MARCHF1: variants seen among roughly 807,000 people sequenced by gnomAD.
MARCHF1 encodes the protein membrane associated ring-CH-type finger 1.
A neutral mutation model predicts 54.2 loss-of-function variants in MARCHF1; 40 were observed. That is an observed-to-expected ratio of 0.74 (90% CI 0.57 to 0.96). The LOEUF (loss-of-function observed/expected upper bound fraction) is 0.96. Ranked by LOEUF, MARCHF1 falls within the 40% of genes least tolerant of loss-of-function variation. MARCHF1 has a pLI of 0.00. For missense variants in MARCHF1, 586 were observed against 656.5 expected, an observed-to-expected ratio of 0.89 and a Z score of 1.17; for synonymous variants, 236 against 236.3, an observed-to-expected ratio of 1.00 and a Z score of 0.01.
chr4:164,122,536 T>A (rs923546439), intron 1 of MARCHF1, among the ~76,000 whole-genome samples: 23 of 151,954 alleles, frequency 1.5e-4, no homozygotes, highest in Non-Finnish European at 1.0e-4. Flanking sequence ...TATGTAAACA[T>A]CATACCTGAT....
intron 3 of MARCHF1, among the ~76,000 whole-genome samples, chr4:163,925,537 G>T (rs1271556559): frequency 1.3e-5 from 2 of 151,728 alleles, no homozygotes; most frequent in Non-Finnish European, 3.0e-5. Flanking sequence ...TTAAATCAAG[G>T]AAGACATATT....
At chr4:164,045,716 GA>G (rs56310196) in intron 2 of MARCHF1, among the ~76,000 whole-genome samples, 22,353 of 142,656 alleles carry the variant, frequency 0.16, 2,031 homozygotes, top group Middle Eastern at 0.22. Context: ...CGTTCTAACA[GA>G]AAAAAAAAAA....
intron 1 of MARCHF1, among the ~76,000 whole-genome samples, chr4:164,334,268 T>G (rs148835569): frequency 9.2e-5 from 14 of 152,212 alleles, no homozygotes; most frequent in African/African-American, 3.1e-4. Flanking sequence ...GTTTCATAGA[T>G]AGAGAGAGAA....
intron 1 of MARCHF1, among the ~76,000 whole-genome samples, chr4:164,200,641 G>A (rs1276944807): frequency 6.6e-6 from 1 of 152,084 alleles, no homozygotes; most frequent in East Asian, 1.9e-4. Flanking sequence ...TTCAAATATT[G>A]TATAACTTCT....
chr4:164,101,000 C>G (rs1022930623), intron 2 of MARCHF1, among the ~76,000 whole-genome samples: 4 of 152,222 alleles, frequency 2.6e-5, no homozygotes, highest in South Asian at 4.1e-4. Flanking sequence ...AAAGGGGTGA[C>G]GGACTGCACC....
At chr4:163,727,973 A>G (rs1745714095) in intron 4 of MARCHF1, among the ~76,000 whole-genome samples, 1 of 152,132 alleles carries the variant, frequency 6.6e-6, no homozygotes, top group African/African-American at 2.4e-5. Context: ...AAGCAAGAAA[A>G]GACTATCTTT....
chr4:163,783,411 G>A (rs1747526344), intron 4 of MARCHF1, among the ~76,000 whole-genome samples: 1 of 152,146 alleles, frequency 6.6e-6, no homozygotes, highest in South Asian at 2.1e-4. Context: ...TTGGCTGTAG[G>A]CCGAGTTTAG....
intron 3 of MARCHF1, among the ~76,000 whole-genome samples, chr4:163,913,480 A>G (rs1751240082): frequency 6.6e-6 from 1 of 152,088 alleles, no homozygotes; most frequent in African/African-American, 2.4e-5. Flanking sequence ...CTCTTCCTTT[A>G]TCAAAGACAG....
intron 2 of MARCHF1, among the ~76,000 whole-genome samples, chr4:164,081,591 G>A (rs1755102829): frequency 6.6e-6 from 1 of 152,072 alleles, no homozygotes; most frequent in East Asian, 1.9e-4. Flanking sequence ...TCACCTAGCA[G>A]CATGACACAG....
chr4:164,304,288 C>T (rs181361348), intron 1 of MARCHF1, among the ~76,000 whole-genome samples: 1 of 152,264 alleles, frequency 6.6e-6, no homozygotes, highest in Admixed American at 6.5e-5. Flanking sequence ...AGGCCTCTAG[C>T]AACAGTCTAT....
chr4:163,739,714 A>G (rs1466339733), intron 4 of MARCHF1, among the ~76,000 whole-genome samples: 1 of 152,224 alleles, frequency 6.6e-6, no homozygotes, highest in Admixed American at 6.5e-5. Flanking sequence ...TTTCAGTTAT[A>G]TTTAATCACT....
intron 4 of MARCHF1, among the ~76,000 whole-genome samples, chr4:163,732,353 AAC>A (rs993796670): frequency 6.6e-6 from 1 of 152,080 alleles, no homozygotes; most frequent in African/African-American, 2.4e-5. Context: ...TTTAAAGTGA[AAC>A]ACAGAAAAAA....
intron 2 of MARCHF1, among the ~76,000 whole-genome samples, chr4:164,037,374 A>G (rs1280212685): frequency 2.0e-5 from 3 of 152,224 alleles, no homozygotes; most frequent in East Asian, 1.9e-4. Context: ...TTACAATTAT[A>G]GTTAATGTTA....
chr4:163,649,519 C>T lies in MARCHF1; in HGVS notation c.163-36126G>A, dbSNP rs145884770. Among the ~76,000 whole-genome samples, 482 of 152,064 alleles carry T rather than the reference C, an allele frequency of 3.2e-3. 3 individuals carry two copies. Among genetic ancestry groups the T allele is most frequent in the African/African-American group, 0.011 (437 of 41,512 alleles). ...TAGATTTTAGGATATAAATAGCATC[C>T]GCAATGTAGACTCTAAGCCTTGCTT... On this transcript the variant is annotated intron_variant, in intron 5 of 9. Coordinates refer to ENST00000514618, the MANE Select transcript of MARCHF1 (RefSeq NM_001394959.1).
chr4:164,336,312 C>CA (rs1175273927), intron 1 of MARCHF1, among the ~76,000 whole-genome samples: 1 of 151,582 alleles, frequency 6.6e-6, no homozygotes, highest in Non-Finnish European at 1.5e-5. Context: ...TTGGTTAAGA[C>CA]AAAAAAAGGA....
chr4:164,309,594 A>G (rs1008666768), intron 1 of MARCHF1, among the ~76,000 whole-genome samples: 1 of 152,268 alleles, frequency 6.6e-6, no homozygotes, highest in African/African-American at 2.4e-5. Flanking sequence ...GATGACTTCT[A>G]CCTTCAATTA....
At chr4:163,537,692 C>G (rs1738584404) in intron 9 of MARCHF1, among the ~76,000 whole-genome samples, 1 of 152,066 alleles carries the variant, frequency 6.6e-6, no homozygotes, top group Non-Finnish European at 1.5e-5. Context: ...TCTTGGACAG[C>G]AATTAAAAGA....
chr4:163,860,847 G>A (rs747525656), intron 3 of MARCHF1, among the ~76,000 whole-genome samples: 13 of 152,038 alleles, frequency 8.6e-5, no homozygotes, highest in Admixed American at 5.2e-4. Flanking sequence ...ACTTCTAGCC[G>A]GAATAACACA....
chr4:164,171,917 T>C (rs1730535421), intron 1 of MARCHF1, among the ~76,000 whole-genome samples: 1 of 152,218 alleles, frequency 6.6e-6, no homozygotes, highest in African/African-American at 2.4e-5. Flanking sequence ...ACATTTTGAT[T>C]TGACCAAGTT....
Sources: allele counts gnomAD v4.1 joint callset (sites outside exome capture counted in the v4.1 genomes callset), GRCh38; gene constraint gnomAD v4.1.1; transcripts MANE v1.5; gene names NCBI Gene and HGNC (gene_info 2026-07-23, HGNC 2026-07-21).